EYS: variants seen among roughly 807,000 people sequenced by gnomAD.
EYS encodes the protein EGF-like photoreceptor maintenance factor.
In EYS, 250 loss-of-function variants were observed where a neutral mutation model predicts 282.1. That is an observed-to-expected ratio of 0.89 (90% CI 0.80 to 0.98). The LOEUF (loss-of-function observed/expected upper bound fraction) is 0.98. Ranked by LOEUF, EYS falls within the 50% of genes least tolerant of loss-of-function variation. The pLI is 0.00. For missense variants in EYS, 4,016 were observed against 3,709.0 expected (o/e 1.08, Z -2.15); for synonymous variants, 1,355 against 1,282.9 (o/e 1.06, Z -1.20).
intron 22 of EYS, among the ~76,000 whole-genome samples, chr6:64,789,193 G>A (rs1173314071): frequency 6.6e-6 from 1 of 152,092 alleles, no homozygotes; most frequent in East Asian, 1.9e-4. Context: ...ATACAAAGAT[G>A]ACTGTTATTT....
At chr6:65,633,868 A>G (rs1353767571) in intron 2 of EYS, among the ~76,000 whole-genome samples, 2 of 152,234 alleles carry the variant, frequency 1.3e-5, no homozygotes, top group Non-Finnish European at 2.9e-5. Flanking sequence ...TCCCGCTGCA[A>G]TGGCAAAGGT....
intron 41 of EYS, chr6:63,744,548 G>A (rs1442906439): frequency 6.6e-6 from 1 of 152,234 alleles, no homozygotes; most frequent in African/African-American, 2.4e-5. Flanking sequence ...TGCAATACTG[G>A]TCAGAAGGGC....
At chr6:64,837,018 G>A (rs1765402437) in intron 19 of EYS, among the ~76,000 whole-genome samples, 1 of 151,612 alleles carries the variant, frequency 6.6e-6, no homozygotes, top group African/African-American at 2.4e-5. Flanking sequence ...GGGATTTCCA[G>A]AATATACTGT....
At chr6:64,707,451 C>T (rs991167266) in intron 22 of EYS, among the ~76,000 whole-genome samples, 3 of 151,890 alleles carry the variant, frequency 2.0e-5, no homozygotes, top group Non-Finnish European at 2.9e-5. Context: ...GGGCGGGTCA[C>T]GAGGTCAGGA....
At chr6:64,096,512 C>A (rs1481986684) in intron 31 of EYS, among the ~76,000 whole-genome samples, 1 of 152,216 alleles carries the variant, frequency 6.6e-6, no homozygotes, top group Admixed American at 6.5e-5. Context: ...CATCTTCCAT[C>A]ATTGATACCC....
chr6:65,420,389 A>C (rs1767410235), intron 5 of EYS, among the ~76,000 whole-genome samples: 1 of 147,606 alleles, frequency 6.8e-6, no homozygotes, highest in Admixed American at 6.7e-5. Flanking sequence ...TCATCCATTA[A>C]AGTTGTATCA....
intron 31 of EYS, among the ~76,000 whole-genome samples, chr6:64,145,544 A>C (rs1244279895): frequency 1.3e-5 from 2 of 152,212 alleles, no homozygotes; most frequent in Non-Finnish European, 2.9e-5. Context: ...TATATGAAAA[A>C]TCACAAGTGC....
At chr6:65,079,424 C>G (rs1341706143) in intron 12 of EYS, among the ~76,000 whole-genome samples, 1 of 151,538 alleles carries the variant, frequency 6.6e-6, no homozygotes, top group Non-Finnish European at 1.5e-5. Context: ...TATTTTCAAC[C>G]TTCAGTTTCA....
At chr6:64,336,963 A>G (rs943188851) in intron 29 of EYS, among the ~76,000 whole-genome samples, 14 of 152,114 alleles carry the variant, frequency 9.2e-5, no homozygotes, top group Non-Finnish European at 1.8e-4. Context: ...AACCTCTGCA[A>G]TACAGCAAAG....
intron 22 of EYS, among the ~76,000 whole-genome samples, chr6:64,768,291 C>T (rs1773416093): frequency 6.6e-6 from 1 of 151,946 alleles, no homozygotes; most frequent in African/African-American, 2.4e-5. Context: ...TGAGAAATTT[C>T]CTTTTTTTGA....
intron 12 of EYS, among the ~76,000 whole-genome samples, chr6:65,082,043 A>G (rs780081376): frequency 6.6e-6 from 1 of 152,016 alleles, no homozygotes; most frequent in African/African-American, 2.4e-5. Flanking sequence ...AAACTTTACA[A>G]TTACCCTGAG....
chr6:64,751,310 C>T (rs957601897), intron 22 of EYS, among the ~76,000 whole-genome samples: 1 of 152,186 alleles, frequency 6.6e-6, no homozygotes, highest in African/African-American at 2.4e-5. Flanking sequence ...ACTTAGATAT[C>T]TCTCCAGGCA....
Position 64,590,357 on chromosome 6 carries a change from C to A in EYS, c.5510G>T (p.Trp1837Leu). ...ACTAGGCTGAAGTTCCCATTTGGAC[C>A]ATTCTGAAGAAGTCTTGACCTCTTT... is the stretch of plus-strand genomic sequence containing the variant. The part of the protein sequence containing the change: ...LKKEVKTSSE[W>L]SKWELQPSVQ... Residue 1837 changes from tryptophan (W) to leucine (L), a missense_variant, in exon 26 of 43, where the codon TGG becomes TTG. By Grantham distance (61) the Trp-to-Leu change is moderately conservative. Coordinates refer to ENST00000503581, the MANE Select transcript of EYS (RefSeq NM_001142800.2). 1 of 1,551,252 alleles carries A rather than the reference C, an allele frequency of 6.4e-7. No individual in the cohort carries two copies. The highest frequency in any genetic ancestry group is 8.7e-7 in the Non-Finnish European group (1 of 1,146,688).
chr6:63,783,008 T>C (rs1770274439), intron 39 of EYS, among the ~76,000 whole-genome samples: 1 of 151,926 alleles, frequency 6.6e-6, no homozygotes, highest in South Asian at 2.1e-4. Context: ...GATTACATTT[T>C]CCCATATGGG....
intron 26 of EYS, among the ~76,000 whole-genome samples, chr6:64,448,760 C>A (rs530470011): frequency 6.6e-6 from 1 of 152,200 alleles, no homozygotes; most frequent in Non-Finnish European, 1.5e-5. Flanking sequence ...TGGAGTGGAC[C>A]TCCAGTAAAC....
At chr6:65,557,935 G>T (rs1049561299) in intron 2 of EYS, among the ~76,000 whole-genome samples, 4 of 152,032 alleles carry the variant, frequency 2.6e-5, no homozygotes, top group East Asian at 1.9e-4. Flanking sequence ...GAGTCCTGGG[G>T]TTTTTATGAG....
At chr6:65,407,768 TGTG>T (rs1188826826) in intron 5 of EYS, among the ~76,000 whole-genome samples, 1 of 151,272 alleles carries the variant, frequency 6.6e-6, no homozygotes, top group East Asian at 1.9e-4. Flanking sequence ...TGTGTGTGTG[TGTG>T]TGTGTGTGTG....
chr6:64,402,405 T>A (rs1217156938), intron 28 of EYS, among the ~76,000 whole-genome samples: 1 of 152,230 alleles, frequency 6.6e-6, no homozygotes, highest in Non-Finnish European at 1.5e-5. Context: ...ATTTTGAGTT[T>A]TAGTTGATAG....
chr6:64,485,578 G>A (rs1018650674), intron 26 of EYS, among the ~76,000 whole-genome samples: 3 of 151,456 alleles, frequency 2.0e-5, no homozygotes, highest in African/African-American at 7.3e-5. Context: ...CCCACTCAAT[G>A]TCCTGATTAC....
Sources: gnomAD v4.1 joint callset for allele counts (sites outside exome capture counted in the v4.1 genomes callset) on GRCh38, gnomAD v4.1.1 for gene constraint, MANE v1.5 for transcripts, NCBI Gene and HGNC (gene_info 2026-07-23, HGNC 2026-07-21) for gene names.